Variants in GNAL observed in about 807,000 individuals in gnomAD.
GNAL encodes G protein subunit alpha L.
Under a neutral mutation model 55.1 loss-of-function variants are expected in GNAL, and 18 were observed. That is an observed-to-expected ratio of 0.33 (90% confidence interval 0.23 to 0.48). The LOEUF (loss-of-function observed/expected upper bound fraction) is 0.48. Among genes scored for constraint, GNAL ranks in the 20% least tolerant of loss-of-function variants. The probability of loss-of-function intolerance (pLI) is 0.99; values close to 1 mark genes in which losing one functional copy is unlikely to be tolerated. For missense variants in GNAL, 412 were observed against 614.1 expected, an observed-to-expected ratio of 0.67 and a Z score of 3.48; for synonymous variants, 253 against 237.0, an observed-to-expected ratio of 1.07 and a Z score of -0.62.
At chr18:11,696,223 C>G (rs2031406405) in intron 1 of GNAL, among the ~76,000 whole-genome samples, 1 of 152,100 alleles carries the variant, frequency 6.6e-6, no homozygotes, top group Non-Finnish European at 1.5e-5. Flanking sequence ...CACATCCTGG[C>G]CGAGCGCGGT....
chr18:11,812,241 T>C (rs973030242), intron 4 of GNAL, among the ~76,000 whole-genome samples: 4 of 152,228 alleles, frequency 2.6e-5, no homozygotes, highest in Admixed American at 2.6e-4. Flanking sequence ...TTTGTGAGAT[T>C]ATAATTTGGA....
rs192026767 is a variant in GNAL at position 11,737,368 on chromosome 18, A to G, written c.377-15485A>G. ...GTATATTGTTTTCTAGTCAAATTCT[A>G]AGAATCCTAAGGCATTTTCTCATCT... On this transcript the variant is annotated intron_variant, in intron 1 of 11. Coordinates refer to ENST00000334049, the MANE Select transcript of GNAL (RefSeq NM_182978.4). Among the ~76,000 whole-genome samples the G allele has an allele frequency of 8.5e-5, 13 of 152,272 alleles. No homozygotes were observed. The East Asian group carries it at 2.1e-3, about 25-fold the overall frequency.
rs182604034 is a variant in GNAL, at chr18:11,776,252, C to G, written c.624+22307C>G. The stretch of plus-strand genomic sequence containing the variant: ...CTTTGGCTCTGACGATACAAAATGT[C>G]TTTGTAGATAACAACAAGATTTCAA... On this transcript the variant is annotated intron_variant, in intron 4 of 11. Transcript: ENST00000334049. Among the ~76,000 whole-genome samples, 121 of 152,210 alleles carry G rather than the reference C, an allele frequency of 7.9e-4. 2 individuals are homozygous for G. The highest frequency in any genetic ancestry group is 5.1e-4 in the Non-Finnish European group (35 of 68,010).
Position 11,751,453 on chromosome 18 carries a change from G to A in GNAL, c.377-1400G>A, listed in dbSNP as rs2032823339. The A allele has an allele frequency of 3.1e-6, 3 of 963,496 alleles. No individual in the cohort carries two copies. The South Asian group carries it at 1.4e-4, about 46-fold the overall frequency. 59.7% of individuals were successfully genotyped at this position (963,496 alleles called of 1,614,324 possible). On this transcript the variant is annotated intron_variant, in intron 1 of 11. Transcript: ENST00000334049. The surrounding 1 kb of genome is among the most constrained non-coding windows in gnomAD (Gnocchi z 4.5). Reference sequence around the variant, plus strand: ...AAAGACAGGAGGCTCGGGAGGCGGCGACGTGGGCGAGCTGGAATAGTCTAG... The same window carrying A: ...AAAGACAGGAGGCTCGGGAGGCGGCAACGTGGGCGAGCTGGAATAGTCTAG...
intron 5 of GNAL, among the ~76,000 whole-genome samples, chr18:11,845,378 C>T (rs2035708528): frequency 6.6e-6 from 1 of 151,826 alleles, no homozygotes; most frequent in South Asian, 2.1e-4. Flanking sequence ...CAGTAGTCAA[C>T]CAGACAGCTG....
At chr18:11,784,355 C>CG (rs1336025417) in intron 4 of GNAL, among the ~76,000 whole-genome samples, 1 of 152,232 alleles carries the variant, frequency 6.6e-6, no homozygotes, top group African/African-American at 2.4e-5. Flanking sequence ...AAACCAACCA[C>CG]GTGGCCACAG....
At chr18:11,858,861 A>C (rs1164896891) in intron 5 of GNAL, among the ~76,000 whole-genome samples, 2 of 152,194 alleles carry the variant, frequency 1.3e-5, no homozygotes, top group Non-Finnish European at 2.9e-5. Context: ...CTGAATATCC[A>C]TTTTGGAGGT....
At position 11,883,171 on chromosome 18, in the gene GNAL, TTA is replaced by T. The variant is rs1486224271; in HGVS notation, c.*2039_*2040del. The T allele has an allele frequency of 2.0e-5, 3 of 150,528 alleles. No homozygotes were observed. Among genetic ancestry groups the T allele is most frequent in the African/African-American group, 7.4e-5 (3 of 40,400 alleles). The allele number at this position is 150,528 out of a possible 1,614,324, so 9.3% of individuals were successfully genotyped here. A position where few individuals can be genotyped will look rare whatever the true frequency, so the allele number is the denominator to read the frequency against. On this transcript the variant is annotated 3_prime_UTR_variant, in exon 12 of 12. Coordinates refer to ENST00000334049, the MANE Select transcript of GNAL (RefSeq NM_182978.4). ...ACTTTTTCATGAAGAAAGGATAACT[TTA>T]TAGACAGTCAGTGCAACACACACAT...
chr18:11,876,141 A>T (rs1417477312), intron 10 of GNAL, among the ~76,000 whole-genome samples: 1 of 152,246 alleles, frequency 6.6e-6, no homozygotes, highest in Non-Finnish European at 1.5e-5. Flanking sequence ...AAGTTTTATC[A>T]GAGCAATAAC....
chr18:11,720,502 T>C (rs938070998), intron 1 of GNAL, among the ~76,000 whole-genome samples: 3 of 152,240 alleles, frequency 2.0e-5, no homozygotes, highest in Non-Finnish European at 2.9e-5. Context: ...CAAATGTCTT[T>C]TCACTCAGAC....
chr18:11,772,509 A>G (rs1312997574), intron 4 of GNAL, among the ~76,000 whole-genome samples: 1 of 152,184 alleles, frequency 6.6e-6, no homozygotes, highest in Non-Finnish European at 1.5e-5. Context: ...GTTTTGACCA[A>G]GCTTCCCCAT....
At chr18:11,840,443 T>C (rs1208265888) in intron 5 of GNAL, among the ~76,000 whole-genome samples, 1 of 152,222 alleles carries the variant, frequency 6.6e-6, no homozygotes, top group African/African-American at 2.4e-5. Flanking sequence ...CAATTGAACA[T>C]GTTTAATGAC....
chr18:11,845,304 C>A (rs1410945485), intron 5 of GNAL, among the ~76,000 whole-genome samples: 2 of 152,124 alleles, frequency 1.3e-5, no homozygotes, highest in African/African-American at 4.8e-5. Flanking sequence ...CTTCTATCTT[C>A]AGGTTTGTAA....
chr18:11,781,618 A>C (rs1167947760), intron 4 of GNAL, among the ~76,000 whole-genome samples: 1 of 152,256 alleles, frequency 6.6e-6, no homozygotes, highest in Non-Finnish European at 1.5e-5. Context: ...ACAAATTAAC[A>C]AATTACTGAG....
chr18:11,857,537 CAT>C, intron 5 of GNAL: 1 of 985,328 alleles, frequency 1.0e-6, no homozygotes. Context: ...GCGCAGGAGT[CAT>C]GAGAAATGAT....
intron 5 of GNAL, among the ~76,000 whole-genome samples, chr18:11,854,712 C>T (rs1425962575): frequency 6.6e-6 from 1 of 151,588 alleles, no homozygotes; most frequent in Non-Finnish European, 1.5e-5. Context: ...ACCTGGGAGG[C>T]GGAGGTTGAG....
chr18:11,753,603 T>A, intron 2 of GNAL, 25 bp from the exon 3 acceptor site: 1 of 1,434,260 alleles, frequency 7.0e-7, no homozygotes, highest in Non-Finnish European at 9.8e-7. Flanking sequence ...TAAATTAAGC[T>A]AATAACAACT....
chr18:11,749,857 G>T (rs1220664080), intron 1 of GNAL, among the ~76,000 whole-genome samples: 2 of 152,200 alleles, frequency 1.3e-5, no homozygotes, highest in East Asian at 3.9e-4. Context: ...GCCTGTTCAG[G>T]AACTGAGAGT....
Position 11,885,165 on chromosome 18 carries a change from CTT to C in GNAL, c.*4034_*4035del. The C allele has an allele frequency of 1.4e-6, 1 of 736,980 alleles. No homozygotes were observed. The highest frequency in any genetic ancestry group is 1.9e-6 in the Non-Finnish European group (1 of 540,190). The allele number at this position is 736,980 out of a possible 1,614,324, so 45.7% of individuals were successfully genotyped here. A position where few individuals can be genotyped will look rare whatever the true frequency, so the allele number is the denominator to read the frequency against. On this transcript the variant is annotated 3_prime_UTR_variant, in exon 12 of 12. Transcript: ENST00000334049. The stretch of plus-strand genomic sequence containing the variant: ...TTGAAAATGTTAGGGTTTCCTCCAC[CTT>C]TTTATGAAGTAAAAGAACCTGTCGT...
Sources: allele counts gnomAD v4.1 joint callset (sites outside exome capture counted in the v4.1 genomes callset), GRCh38; gene constraint gnomAD v4.1.1; non-coding constraint Gnocchi (gnomAD v3.1); transcripts MANE v1.5; gene names NCBI Gene and HGNC (gene_info 2026-07-23, HGNC 2026-07-21).